Variants in FHIP2A observed in about 807,000 individuals in gnomAD.
FHIP2A encodes the protein FHF complex subunit HOOK interacting protein 2A.
Under a neutral mutation model 93.5 loss-of-function variants are expected in FHIP2A, and 46 were observed. The observed-to-expected ratio is 0.49, with a 90% CI of 0.39 to 0.63. The LOEUF (loss-of-function observed/expected upper bound fraction) is 0.63. Among genes scored for constraint, FHIP2A ranks in the 20% least tolerant of loss-of-function variants. FHIP2A has a pLI of 0.00. For missense variants in FHIP2A, 769 were observed against 909.7 expected (o/e 0.85, Z 1.99); for synonymous variants, 332 against 326.5 (o/e 1.02, Z -0.18).
At chr10:114,887,882 G>A (rs183837552) in intron 16 of FHIP2A, among the ~76,000 whole-genome samples, 9 of 152,278 alleles carry the variant, frequency 5.9e-5, no homozygotes, top group East Asian at 1.9e-4. Context: ...TCCTTTCACC[G>A]TCTATTCTCT....
At chr10:114,858,628 G>A (rs997303718) in intron 14 of FHIP2A, among the ~76,000 whole-genome samples, 1 of 122,988 alleles carries the variant, frequency 8.1e-6, no homozygotes, top group African/African-American at 3.1e-5. Context: ...ATTATTTTTT[G>A]TAAATGATTC....
chr10:114,878,238 A>G (rs1226822519), intron 16 of FHIP2A, among the ~76,000 whole-genome samples: 1 of 152,224 alleles, frequency 6.6e-6, no homozygotes, highest in Non-Finnish European at 1.5e-5. Context: ...ATGGCTGCCT[A>G]GAATCACATT....
intron 13 of FHIP2A, among the ~76,000 whole-genome samples, chr10:114,852,889 C>G (rs1467089073): frequency 6.6e-6 from 1 of 152,136 alleles, no homozygotes; most frequent in Non-Finnish European, 1.5e-5. Context: ...TGATGCTATT[C>G]TGTTTGCCTA....
rs2083815781 is a variant in FHIP2A at position 114,864,032 on chromosome 10, T to C, written c.*2492T>C. The C allele has an allele frequency of 3.0e-6, 3 of 995,570 alleles. No individual in the cohort carries two copies. Among genetic ancestry groups the C allele is most frequent in the South Asian group, 4.4e-5 (1 of 22,488 alleles). The allele number at this position is 995,570 out of a possible 1,614,324, so 61.7% of individuals were successfully genotyped here. A position where few individuals can be genotyped will look rare whatever the true frequency, so the allele number is the denominator to read the frequency against. On this transcript the variant is annotated 3_prime_UTR_variant, in exon 17 of 17. Coordinates refer to ENST00000369248, the MANE Select transcript of FHIP2A (RefSeq NM_020940.4). The stretch of plus-strand genomic sequence containing the variant: ...TTATAACTATGTAACTTTCTCGTAA[T>C]GTATCTGTTTGTGCAATATGGAAGC...
chr10:114,884,778 G>A (rs956906332), intron 16 of FHIP2A, among the ~76,000 whole-genome samples: 3 of 151,854 alleles, frequency 2.0e-5, no homozygotes, highest in Non-Finnish European at 4.4e-5. Context: ...GCTAGGTGTG[G>A]TGGCATGTGC....
chr10:114,878,837 T>C (rs564067493), intron 16 of FHIP2A, among the ~76,000 whole-genome samples: 1 of 151,552 alleles, frequency 6.6e-6, no homozygotes, highest in East Asian at 1.9e-4. Flanking sequence ...AGGTGGCTCA[T>C]AGGTGTCCTC....
intron 10 of FHIP2A, 57 bp from the exon 11 acceptor site, chr10:114,846,499 TAAG>T: frequency 6.7e-7 from 1 of 1,486,632 alleles, no homozygotes; most frequent in Non-Finnish European, 9.1e-7. Flanking sequence ...CACAAGATGG[TAAG>T]AAGAGTAACT....
chr10:114,872,701 G>T (rs943830402), intron 16 of FHIP2A, among the ~76,000 whole-genome samples: 1 of 152,156 alleles, frequency 6.6e-6, no homozygotes, highest in South Asian at 2.1e-4. Context: ...GTCCCACAAG[G>T]CACTTGATTC....
Position 114,848,686 on chromosome 10 carries a change from C to G in FHIP2A, c.1752C>G (p.Tyr584Ter). 1 of 1,612,336 alleles carries G rather than the reference C, an allele frequency of 6.2e-7. No homozygotes were observed. Among genetic ancestry groups the G allele is most frequent in the Non-Finnish European group, 8.5e-7 (1 of 1,179,298 alleles). ...CLVPDDAKSS[Y>*]HVEGTGYDTY... The stretch of plus-strand genomic sequence containing the variant: ...TACCGGATGACGCAAAATCCTCCTA[C>G]CATGTTGAGGGCACAGGATATGACA... Residue 584 changes from tyrosine (Y) to a stop codon, truncating the protein, a stop_gained, in exon 13 of 17, where the codon TAC (tyrosine) becomes TAG (stop). Transcript: ENST00000369248. LOFTEE classifies it high-confidence loss of function.
downstream of FHIP2A, among the ~76,000 whole-genome samples, chr10:114,865,156 T>G (rs1471106538): frequency 6.6e-6 from 1 of 151,954 alleles, no homozygotes; most frequent in Non-Finnish European, 1.5e-5. Flanking sequence ...TCTAGCTAAT[T>G]TTTATATTTT....
In FHIP2A at chr10:114,878,791, A is replaced by AAAAAAG. The variant is rs1555247326; in HGVS notation, c.2192+17460_2192+17461insAAGAAA. Among the ~76,000 whole-genome samples the AAAAAAG allele has an allele frequency of 1.9e-3, 252 of 135,460 alleles. 3 individuals carry two copies. Among genetic ancestry groups the AAAAAAG allele is most frequent in the South Asian group, 0.01 (40 of 3,984 alleles). The allele number at this position is 135,460 out of a possible 152,430, so 88.9% of individuals were successfully genotyped here. A position where few individuals can be genotyped will look rare whatever the true frequency, so the allele number is the denominator to read the frequency against. ...ACTTCGCCTCAAAAAAAAAAAAAAA[A>AAAAAAG]AAAGAAAGAAAGAAAGAAAGAAAAG... On this transcript the variant is annotated intron_variant, in intron 16 of 16. Transcript: ENST00000369250.
In FHIP2A at chr10:114,855,353, A is replaced by G; in HGVS notation, c.1947+13A>G. 1 of 1,601,188 alleles carries G rather than the reference A, an allele frequency of 6.2e-7. No individual in the cohort carries two copies. The highest frequency in any genetic ancestry group is 1.1e-5 in the South Asian group (1 of 88,708). ...AATTCTTGATCAGGTAATACATTTT[A>G]AAATACTAATTTTCATATTTTTTTT... On this transcript the variant is annotated intron_variant, in intron 14 of 16. Coordinates refer to ENST00000369248, the MANE Select transcript of FHIP2A (RefSeq NM_020940.4).
At chr10:114,860,312 A>G (rs2083789907) in intron 14 of FHIP2A, among the ~76,000 whole-genome samples, 1 of 152,198 alleles carries the variant, frequency 6.6e-6, no homozygotes, top group Non-Finnish European at 1.5e-5. Context: ...TTTTCATTGC[A>G]GAAGAGCATG....
In FHIP2A at chr10:114,892,747, G is replaced by A. The variant is rs552593700; in HGVS notation, c.2193-6743G>A. On this transcript the variant is annotated intron_variant, in intron 16 of 16. Coordinates refer to the FHIP2A transcript ENST00000369250. ...CCTGCATATCCAACAACAGAAAATC[G>A]TTAAAGGAATTGTGGTATTATATAC... is the stretch of plus-strand genomic sequence containing the variant. Among the ~76,000 whole-genome samples the A allele has an allele frequency of 4.6e-5, 7 of 152,186 alleles. No individual in the cohort carries two copies. In the East Asian group the frequency reaches 9.6e-4, roughly 21 times the overall value.
In FHIP2A at chr10:114,863,092, A is replaced by C. The variant is rs1383377783; in HGVS notation, c.*1552A>C. 2.0e-6 allele frequency: 2 copies of C among 982,846 alleles called. No homozygotes were observed. The highest frequency in any genetic ancestry group is 3.5e-5 in the African/African-American group (2 of 57,212). The allele number at this position is 982,846 out of a possible 1,614,324, so 60.9% of individuals were successfully genotyped here. On this transcript the variant is annotated 3_prime_UTR_variant, in exon 17 of 17. Transcript: ENST00000369248. ...TAGAATGCTTACCACTGTTAAAACAACAAAAAGACTAAACCTCTAATTTCA... is the reference window on the plus strand; with the variant it reads ...TAGAATGCTTACCACTGTTAAAACACCAAAAAGACTAAACCTCTAATTTCA...
intron 14 of FHIP2A, among the ~76,000 whole-genome samples, chr10:114,855,659 C>T (rs56044402): frequency 0.034 from 5,189 of 152,226 alleles, 245 homozygotes; most frequent in African/African-American, 0.11. Context: ...TTAGTTAGTA[C>T]ATTTAGTACA....
At chr10:114,897,625 C>A (rs1005882438) in intron 16 of FHIP2A, among the ~76,000 whole-genome samples, 1 of 152,132 alleles carries the variant, frequency 6.6e-6, no homozygotes, top group Non-Finnish European at 1.5e-5. Flanking sequence ...AAAATATTCA[C>A]TGGGGCCCAG....
Position 114,861,457 on chromosome 10 carries a change from G to A in FHIP2A, c.2215G>A (p.Glu739Lys). The change falls in exon 17 of 17, where the codon GAG becomes AAG. Residue 739 changes from glutamate (E) to lysine (K), a missense_variant. Coordinates refer to ENST00000369248, the MANE Select transcript of FHIP2A (RefSeq NM_020940.4). ...CAGTATTGACCACATCACACTGCTA[G>A]AGGGTGTGATTGTGTTAGAAGAGTT... ...GPIIDHITLL[E>K]GVIVLEEFCK... is the part of the protein sequence containing the mutation. The A allele has an allele frequency of 6.2e-7, 1 of 1,614,110 alleles. No homozygotes were observed. The highest frequency in any genetic ancestry group is 8.5e-7 in the Non-Finnish European group (1 of 1,180,004).
At chr10:114,885,721 G>A (rs2083939698) in intron 16 of FHIP2A, among the ~76,000 whole-genome samples, 1 of 152,158 alleles carries the variant, frequency 6.6e-6, no homozygotes, top group Non-Finnish European at 1.5e-5. Flanking sequence ...TTGTATTGAT[G>A]CATCTGCTGA....
Sources: allele counts gnomAD v4.1 joint callset (sites outside exome capture counted in the v4.1 genomes callset), GRCh38; gene constraint gnomAD v4.1.1; transcripts MANE v1.5; gene names NCBI Gene and HGNC (gene_info 2026-07-23, HGNC 2026-07-21).